Variants in SAMTOR observed in about 807,000 individuals in gnomAD.
SAMTOR encodes the protein UPF0532 protein C7orf60.
At chr7:112,936,491 C>T in the SAMTOR span, among the ~76,000 whole-genome samples, 1 of 152,188 alleles carries the variant, frequency 6.6e-6, no homozygotes, top group Non-Finnish European at 1.5e-5. Flanking sequence ...ACCCTGTTCA[C>T]CCTTCCCCAC....
the SAMTOR span, among the ~76,000 whole-genome samples, chr7:112,871,832 C>T: frequency 0.011 from 1,619 of 152,140 alleles, 29 homozygotes; most frequent in African/African-American, 0.037. Context: ...ATACCAATCC[C>T]AAAGAAATAC....
At chr7:112,874,332 T>C in the SAMTOR span, among the ~76,000 whole-genome samples, 1 of 152,232 alleles carries the variant, frequency 6.6e-6, no homozygotes, top group Admixed American at 6.5e-5. Context: ...ATGTGATACA[T>C]GTGTACCACA....
At chr7:112,877,341 A>T in the SAMTOR span, among the ~76,000 whole-genome samples, 1 of 152,224 alleles carries the variant, frequency 6.6e-6, no homozygotes, top group East Asian at 1.9e-4. Flanking sequence ...AATGTGTTAC[A>T]GCAGGGGTTT....
At chr7:112,912,589 C>T in the SAMTOR span, among the ~76,000 whole-genome samples, 1 of 151,748 alleles carries the variant, frequency 6.6e-6, no homozygotes, top group Non-Finnish European at 1.5e-5. Flanking sequence ...ACTCAAGTTT[C>T]AAAACACAAT....
the SAMTOR span, among the ~76,000 whole-genome samples, chr7:112,850,800 T>TC: frequency 1.3e-5 from 2 of 152,166 alleles, no homozygotes; most frequent in Non-Finnish European, 2.9e-5. Context: ...TCACCTTTTT[T>TC]CCCTCAGTTA....
the SAMTOR span, among the ~76,000 whole-genome samples, chr7:112,934,190 G>A: frequency 6.6e-6 from 1 of 152,092 alleles, no homozygotes; most frequent in Non-Finnish European, 1.5e-5. Flanking sequence ...TTCTGTGATG[G>A]TTCCACTTTT....
At chr7:112,927,513 G>T in the SAMTOR span, among the ~76,000 whole-genome samples, 1 of 151,870 alleles carries the variant, frequency 6.6e-6, no homozygotes, top group African/African-American at 2.4e-5. Flanking sequence ...CAAAAGTGTT[G>T]TAATTAATAA....
chr7:112,865,065 G>T, the SAMTOR span, among the ~76,000 whole-genome samples: 1 of 152,050 alleles, frequency 6.6e-6, no homozygotes, highest in Non-Finnish European at 1.5e-5. Context: ...AAAAATTTCT[G>T]TATTTCAAAG....
chr7:112,903,544 C>A, the SAMTOR span, among the ~76,000 whole-genome samples: 73 of 151,872 alleles, frequency 4.8e-4, no homozygotes, highest in African/African-American at 1.7e-3. Context: ...TGCTAAATTT[C>A]TGGAGTGTGA....
chr7:112,861,527 T>C, the SAMTOR span, among the ~76,000 whole-genome samples: 302 of 152,306 alleles, frequency 2.0e-3, no homozygotes, highest in Non-Finnish European at 3.4e-3. Flanking sequence ...TATAGACATA[T>C]AGGAGTTGGC....
the SAMTOR span, among the ~76,000 whole-genome samples, chr7:112,874,975 G>C: frequency 1.3e-5 from 2 of 152,128 alleles, no homozygotes; most frequent in African/African-American, 4.8e-5. Context: ...ATCACAGGGG[G>C]AATCTAAGTG....
At chr7:112,819,558 G>GC in the SAMTOR span, 1 of 152,388 alleles carries the variant, frequency 6.6e-6, no homozygotes, top group Non-Finnish European at 1.5e-5. Context: ...TTAAATCTGT[G>GC]CCAACCTAAT....
At chr7:112,906,423 T>C in the SAMTOR span, among the ~76,000 whole-genome samples, 1 of 152,032 alleles carries the variant, frequency 6.6e-6, no homozygotes, top group Non-Finnish European at 1.5e-5. Context: ...GAAGGGGACA[T>C]TTACAACAGC....
chr7:112,870,810 C>T, the SAMTOR span, among the ~76,000 whole-genome samples: 1 of 147,100 alleles, frequency 6.8e-6, no homozygotes, highest in Non-Finnish European at 1.5e-5. Context: ...ACATGTAATA[C>T]ACAGTCTCAA....
At chr7:112,921,430 T>G in the SAMTOR span, among the ~76,000 whole-genome samples, 1 of 151,396 alleles carries the variant, frequency 6.6e-6, no homozygotes, top group Non-Finnish European at 1.5e-5. Context: ...TCCTTACACC[T>G]TATACAAAAA....
At chr7:112,891,116 A>G in the SAMTOR span, among the ~76,000 whole-genome samples, 5 of 152,368 alleles carry the variant, frequency 3.3e-5, no homozygotes, top group Admixed American at 2.0e-4. Context: ...ATAGAAATCT[A>G]AAGTTGATAT....
At chr7:112,845,136 C>T in the SAMTOR span, among the ~76,000 whole-genome samples, 4 of 152,116 alleles carry the variant, frequency 2.6e-5, no homozygotes, top group Non-Finnish European at 4.4e-5. Context: ...ACGATAAAAA[C>T]TTTGGAAGAC....
the SAMTOR span, among the ~76,000 whole-genome samples, chr7:112,883,571 G>A: frequency 9.9e-5 from 15 of 152,176 alleles, no homozygotes; most frequent in Non-Finnish European, 1.6e-4. Context: ...GACATAAATG[G>A]CAGATGAGGA....
the SAMTOR span, among the ~76,000 whole-genome samples, chr7:112,913,703 G>A: frequency 6.6e-6 from 1 of 151,992 alleles, no homozygotes; most frequent in African/African-American, 2.4e-5. Context: ...CTGTCATTTT[G>A]CTCTGGCCAC....
Sources: allele counts gnomAD v4.1 joint callset (sites outside exome capture counted in the v4.1 genomes callset), GRCh38; gene constraint gnomAD v4.1.1; transcripts MANE v1.5; gene names NCBI Gene and HGNC (gene_info 2026-07-23, HGNC 2026-07-21).